MCPH1: variants seen among roughly 807,000 people sequenced by gnomAD.
MCPH1 encodes the protein microcephalin.
MCPH1 carries 104 observed loss-of-function variants against 84.5 expected under a neutral mutation model. That is an observed-to-expected ratio of 1.23 (90% CI 1.05 to 1.45). The LOEUF (loss-of-function observed/expected upper bound fraction) is 1.45, where lower values mean the gene tolerates loss of function less well. MCPH1 is among the 40% of genes most tolerant of loss of function. The pLI is 0.00. For missense variants in MCPH1, 1,498 were observed against 1,005.7 expected, an observed-to-expected ratio of 1.49 and a Z score of -6.62; for synonymous variants, 514 against 366.8, an observed-to-expected ratio of 1.40 and a Z score of -4.58.
At chr8:6,464,735 C>T (rs1056190151) in intron 9 of MCPH1, among the ~76,000 whole-genome samples, 1 of 152,198 alleles carries the variant, frequency 6.6e-6, no homozygotes, top group Admixed American at 6.5e-5. Flanking sequence ...TGGTGGCTCA[C>T]GCCTATAATC....
intron 3 of MCPH1, among the ~76,000 whole-genome samples, chr8:6,426,703 G>T (rs1801112033): frequency 6.6e-6 from 1 of 152,168 alleles, no homozygotes; most frequent in South Asian, 2.1e-4. Context: ...TTTCCAAGGT[G>T]GTTATGGCAC....
At chr8:6,544,485 C>A (rs151067132) in intron 12 of MCPH1, among the ~76,000 whole-genome samples, 6 of 152,122 alleles carry the variant, frequency 3.9e-5, no homozygotes, top group African/African-American at 1.2e-4. Flanking sequence ...ATATATGTTA[C>A]GTCAAACTGT....
At chr8:6,633,982 G>C (rs1797353732) in intron 13 of MCPH1, among the ~76,000 whole-genome samples, 1 of 152,232 alleles carries the variant, frequency 6.6e-6, no homozygotes, top group Non-Finnish European at 1.5e-5. Context: ...TTACAGAAGA[G>C]TATGGTGTTG....
At chr8:6,455,366 A>T (rs1805563937) in intron 9 of MCPH1, 114 bp downstream of exon 9, 21 of 764,820 alleles carry the variant, frequency 2.7e-5, no homozygotes, top group Admixed American at 2.6e-4. Context: ...ATTCTAAAAA[A>T]TTGATTATGG....
intron 12 of MCPH1, among the ~76,000 whole-genome samples, chr8:6,575,943 C>G (rs543358715): frequency 6.6e-6 from 1 of 151,974 alleles, no homozygotes; most frequent in South Asian, 2.1e-4. Flanking sequence ...CTGCCCCACA[C>G]CTTCACCTCA....
intron 2 of MCPH1, 27 bp downstream of exon 2, chr8:6,409,397 CAT>C: frequency 6.6e-7 from 1 of 1,508,892 alleles, no homozygotes; most frequent in Non-Finnish European, 9.2e-7. Flanking sequence ...GCTGTTGATT[CAT>C]ATGACAGTCT....
At chr8:6,554,572 T>G (rs1824257593) in intron 12 of MCPH1, among the ~76,000 whole-genome samples, 1 of 152,252 alleles carries the variant, frequency 6.6e-6, no homozygotes, top group Non-Finnish European at 1.5e-5. Flanking sequence ...TGTATATTTT[T>G]AATTTGGTTG....
intron 12 of MCPH1, among the ~76,000 whole-genome samples, chr8:6,597,286 G>C (rs974565137): frequency 6.6e-6 from 1 of 152,192 alleles, no homozygotes; most frequent in Non-Finnish European, 1.5e-5. Flanking sequence ...GGAGCCAATG[G>C]TGAAAGCAGG....
At chr8:6,534,174 C>A (rs926245934) in intron 12 of MCPH1, among the ~76,000 whole-genome samples, 1 of 151,914 alleles carries the variant, frequency 6.6e-6, no homozygotes, top group Admixed American at 6.6e-5. Context: ...GCCTCCACAT[C>A]TACGGGTTCA....
intron 12 of MCPH1, among the ~76,000 whole-genome samples, chr8:6,612,368 C>G (rs1321388276): frequency 6.6e-6 from 1 of 152,206 alleles, no homozygotes; most frequent in Non-Finnish European, 1.5e-5. Context: ...GATAACTCTT[C>G]TGCCCCAGCT....
In MCPH1 at chr8:6,621,635, C is replaced by G. The variant is rs748017771; in HGVS notation, c.2396C>G (p.Pro799Arg). 34 of 1,614,080 alleles carry G rather than the reference C, an allele frequency of 2.1e-5. No homozygotes were observed. The highest frequency in any genetic ancestry group is 2.7e-5 in the Non-Finnish European group (32 of 1,180,050). Residue 799 changes from proline (P) to arginine (R), a missense_variant, in exon 13 of 14, where the codon CCC (proline) becomes CGC (arginine). Physicochemically the swap from Pro to Arg is moderately radical, Grantham distance 103. Transcript: ENST00000344683. ...VPRQASIVIG[P>R]YSGKKKATVK... Reference sequence around the variant, plus strand: ...CGCCAGGCCAGCATCGTCATCGGGCCCTACAGCGGAAAGAAGAAAGCCACA... The same window carrying G: ...CGCCAGGCCAGCATCGTCATCGGGCGCTACAGCGGAAAGAAGAAAGCCACA...
chr8:6,532,050 A>G (rs1223567646), intron 12 of MCPH1, among the ~76,000 whole-genome samples: 1 of 152,214 alleles, frequency 6.6e-6, no homozygotes, highest in East Asian at 1.9e-4. Flanking sequence ...CAGAGGGGGT[A>G]TTCATCTTGC....
chr8:6,513,433 C>T (rs2979669), intron 12 of MCPH1, among the ~76,000 whole-genome samples: 2,888 of 151,446 alleles, frequency 0.019, 43 homozygotes, highest in Non-Finnish European at 0.029. Flanking sequence ...CCCGGGTTCA[C>T]GCCATTCTTC....
chr8:6,612,196 G>C (rs913813442), intron 12 of MCPH1, among the ~76,000 whole-genome samples: 2 of 152,100 alleles, frequency 1.3e-5, no homozygotes, highest in Non-Finnish European at 2.9e-5. Context: ...AGGAACCCGG[G>C]GCAGAAACCA....
chr8:6,487,347 G>C (rs1178086822), intron 11 of MCPH1, among the ~76,000 whole-genome samples: 4 of 152,154 alleles, frequency 2.6e-5, no homozygotes, highest in African/African-American at 9.7e-5. Flanking sequence ...GGTGAGCATA[G>C]AATCAATGAA....
chr8:6,643,839 T>G lies in MCPH1; in HGVS notation c.*790T>G, dbSNP rs574411944. On this transcript the variant is annotated 3_prime_UTR_variant, in exon 14 of 14. Transcript: ENST00000344683. ...ATTGGTGACATCTGAGTGTCTTACTTCTGCAAGCCTGCTTTATGGTGAGCA... is the reference window on the plus strand; with the variant it reads ...ATTGGTGACATCTGAGTGTCTTACTGCTGCAAGCCTGCTTTATGGTGAGCA... 2.6e-5 allele frequency: 4 copies of G among 152,328 alleles called. No homozygotes were observed. In the East Asian group the frequency reaches 5.8e-4, roughly 22 times the overall value. The allele number at this position is 152,328 out of a possible 1,614,324, so 9.4% of individuals were successfully genotyped here.
Position 6,523,652 on chromosome 8 carries a change from C to G in MCPH1, c.2214+23723C>G, listed in dbSNP as rs1246278345. ...TGGCCTGGGCTGTTGTGCAGTGGCG[C>G]GATCTCAGCTCGCTGCAACCTCCGC... is the stretch of plus-strand genomic sequence containing the variant. On this transcript the variant is annotated intron_variant, in intron 12 of 13. Coordinates refer to ENST00000344683, the MANE Select transcript of MCPH1 (RefSeq NM_024596.5). 4.6e-5 allele frequency among the ~76,000 whole-genome samples: 7 copies of G among 152,088 alleles called. No individual in the cohort carries two copies. In the East Asian group the frequency reaches 1.4e-3, roughly 29 times the overall value.
At chr8:6,407,051 C>T (rs145814858) in intron 1 of MCPH1, 6,778 of 350,500 alleles carry the variant, frequency 0.019, 113 homozygotes, top group Non-Finnish European at 0.026. Flanking sequence ...CCCCATGCTG[C>T]CTGTCCCCCA....
At chr8:6,443,356 T>A (rs763924405) in intron 7 of MCPH1, among the ~76,000 whole-genome samples, 2 of 148,324 alleles carry the variant, frequency 1.3e-5, no homozygotes, top group Non-Finnish European at 2.9e-5. Context: ...GCATCTAAAA[T>A]TAAAAGTGAC....
Sources: allele counts gnomAD v4.1 joint callset (sites outside exome capture counted in the v4.1 genomes callset), GRCh38; gene constraint gnomAD v4.1.1; transcripts MANE v1.5; gene names NCBI Gene and HGNC (gene_info 2026-07-23, HGNC 2026-07-21).